Variants in DIP2A observed in about 807,000 individuals in gnomAD.
The protein encoded by DIP2A is disco-interacting protein 2 homolog A.
In DIP2A, 85 loss-of-function variants were observed where a neutral mutation model predicts 177.4. That is an observed-to-expected ratio of 0.48 (90% CI 0.40 to 0.57). The LOEUF is 0.57. DIP2A is among the 20% of genes least tolerant of loss of function. The pLI, the probability that DIP2A is intolerant of heterozygous loss-of-function variation, is 0.00. For missense variants in DIP2A, 1,791 were observed against 2,100.2 expected, an observed-to-expected ratio of 0.85 and a Z score of 2.88; for synonymous variants, 886 against 881.8, an observed-to-expected ratio of 1.00 and a Z score of -0.08.
intron 1 of DIP2A, among the ~76,000 whole-genome samples, chr21:46,480,675 A>G (rs369480627): frequency 2.6e-5 from 4 of 152,306 alleles, no homozygotes; most frequent in African/African-American, 7.2e-5. Flanking sequence ...GGAAAGGCCA[A>G]TACCTTTCCA....
At chr21:46,541,649 A>G in intron 17 of DIP2A, 107 bp from the exon 18 acceptor site, 1 of 1,315,478 alleles carries the variant, frequency 7.6e-7, no homozygotes, top group Non-Finnish European at 1.1e-6. Flanking sequence ...AGTCTGTAAC[A>G]TGGAGCAGTG....
At chr21:46,564,539 C>T (rs1195043101) in intron 35 of DIP2A, among the ~76,000 whole-genome samples, 2 of 150,150 alleles carry the variant, frequency 1.3e-5, no homozygotes, top group Non-Finnish European at 2.9e-5. Flanking sequence ...GGCAGCTTGA[C>T]GTGCAGTCCC....
chr21:46,475,074 TC>T (rs2055724169), intron 1 of DIP2A, among the ~76,000 whole-genome samples: 1 of 1,470 alleles, frequency 6.8e-4, no homozygotes, highest in African/African-American at 7.8e-3. Flanking sequence ...AACCAGAGAC[TC>T]TTCTCCACTT....
At position 46,557,193 on chromosome 21, in the gene DIP2A, T is replaced by G. The variant is rs2060498582; in HGVS notation, c.3629+124T>G. 2 of 1,149,084 alleles carry G rather than the reference T, an allele frequency of 1.7e-6. No homozygotes were observed. The highest frequency in any genetic ancestry group is 1.7e-5 in the South Asian group (1 of 59,072). 71.2% of individuals were successfully genotyped at this position (1,149,084 alleles called of 1,614,324 possible). A position where few individuals can be genotyped will look rare whatever the true frequency, so the allele number is the denominator to read the frequency against. The stretch of plus-strand genomic sequence containing the variant: ...CCGATGAGATGTGTGTGAGTGGGTT[T>G]GTTTGGGGATGAAGTGGGTTGGAGT... On this transcript the variant is annotated intron_variant, in intron 30 of 37. Transcript: ENST00000417564. The surrounding 1 kb of genome is among the most constrained non-coding windows in gnomAD (Gnocchi z 6.0).
At chr21:46,474,027 C>T (rs1277982417) in intron 1 of DIP2A, among the ~76,000 whole-genome samples, 1 of 152,164 alleles carries the variant, frequency 6.6e-6, no homozygotes, top group Non-Finnish European at 1.5e-5. Flanking sequence ...GAAAAGTTAG[C>T]TTGAAAAACC....
In DIP2A at chr21:46,567,885, C is replaced by T. The variant is rs948030979; in HGVS notation, c.*263C>T. ...GAGACAAGGAAAGGAAAGGAAAGGCCTGGCATGGGCATTGTGAGGAATCAC... is the reference window on the plus strand; with the variant it reads ...GAGACAAGGAAAGGAAAGGAAAGGCTTGGCATGGGCATTGTGAGGAATCAC... On this transcript the variant is annotated 3_prime_UTR_variant, in exon 38 of 38. Transcript: ENST00000417564. 7.6e-6 allele frequency: 3 copies of T among 396,332 alleles called. No individual in the cohort carries two copies. Among genetic ancestry groups the T allele is most frequent in the African/African-American group, 6.1e-5 (3 of 48,880 alleles). 24.6% of individuals were successfully genotyped at this position (396,332 alleles called of 1,614,324 possible).
At chr21:46,471,615 G>T (rs1434939580) in intron 1 of DIP2A, among the ~76,000 whole-genome samples, 3 of 152,294 alleles carry the variant, frequency 2.0e-5, no homozygotes, top group African/African-American at 7.2e-5. Context: ...GCTTAGCAAA[G>T]AAAACTATTG....
chr21:46,532,091 GA>G, intron 9 of DIP2A, 35 bp from the exon 10 acceptor site: 1 of 1,570,088 alleles, frequency 6.4e-7, no homozygotes, highest in Non-Finnish European at 8.6e-7. Flanking sequence ...GTAAAAATTG[GA>G]AATTTGGAAT....
chr21:46,554,717 GGTCAGA>G lies in DIP2A; in HGVS notation c.3276+25_3276+30del, dbSNP rs1356919174. 2.6e-6 allele frequency: 4 copies of G among 1,555,864 alleles called. No individual in the cohort carries two copies. The South Asian group carries it at 4.7e-5, about 18-fold the overall frequency. On this transcript the variant is annotated intron_variant, in intron 27 of 37. Coordinates refer to ENST00000417564, the MANE Select transcript of DIP2A (RefSeq NM_015151.4). ...TGGAGGTGCGCCTACCTGGCCCGCGGGTCAGAGTCTGTGAGTGGGAGGCTGCAAGGC... is the reference window on the plus strand; with the variant it reads ...TGGAGGTGCGCCTACCTGGCCCGCGGGTCTGTGAGTGGGAGGCTGCAAGGC...
At chr21:46,565,945 C>A in intron 36 of DIP2A, 58 bp downstream of exon 36, 1 of 1,591,504 alleles carries the variant, frequency 6.3e-7, no homozygotes, top group South Asian at 1.1e-5. Flanking sequence ...CTGGGCTCCC[C>A]AAGAGCTTAG....
chr21:46,459,542 C>T (rs1156864472), intron 1 of DIP2A, among the ~76,000 whole-genome samples: 1 of 118,710 alleles, frequency 8.4e-6, no homozygotes, highest in Non-Finnish European at 1.9e-5. Context: ...ACCCCCGGGA[C>T]CTCCTGCCCC....
intron 33 of DIP2A, 193 bp from the exon 34 acceptor site, chr21:46,561,555 G>A: frequency 1.4e-6 from 1 of 720,558 alleles, no homozygotes; most frequent in Non-Finnish European, 2.4e-6. Flanking sequence ...GTGCATGCGG[G>A]TGGCGGCACT....
intron 9 of DIP2A, among the ~76,000 whole-genome samples, chr21:46,530,266 A>C (rs1008510616): frequency 1.3e-5 from 2 of 152,256 alleles, no homozygotes; most frequent in Non-Finnish European, 2.9e-5. Context: ...AGGAAACTGC[A>C]GGTTAACAAG....
At chr21:46,513,233 G>A (rs1009525262) in intron 8 of DIP2A, among the ~76,000 whole-genome samples, 30 of 151,962 alleles carry the variant, frequency 2.0e-4, no homozygotes, top group Non-Finnish European at 2.6e-4. Context: ...TCACATTTAG[G>A]TGTGATGATC....
chr21:46,492,804 G>A (rs972324376), intron 3 of DIP2A, among the ~76,000 whole-genome samples: 2 of 152,160 alleles, frequency 1.3e-5, no homozygotes, highest in Admixed American at 1.3e-4. Context: ...AGTCAGGTGT[G>A]ATGACACATG....
chr21:46,546,802 G>A (rs2060065497), intron 20 of DIP2A, 113 bp from the exon 21 acceptor site: 1 of 1,242,344 alleles, frequency 8.0e-7, no homozygotes, highest in Non-Finnish European at 1.1e-6. Flanking sequence ...CCGTTTGCAA[G>A]GCGCTAGAGG....
At chr21:46,541,613 C>T (rs1244518228) in intron 17 of DIP2A, 143 bp from the exon 18 acceptor site, 4 of 914,844 alleles carry the variant, frequency 4.4e-6, no homozygotes, top group Non-Finnish European at 6.7e-6. Context: ...GACATTGCAG[C>T]ATCTTTAGAA....
At chr21:46,467,232 G>A (rs2148281985) in intron 1 of DIP2A, among the ~76,000 whole-genome samples, 1 of 147,070 alleles carries the variant, frequency 6.8e-6, no homozygotes, top group Admixed American at 7.0e-5. Flanking sequence ...GGAGGCGGAG[G>A]TTGCAGTGAG....
Position 46,565,825 on chromosome 21 carries a change from T to G in DIP2A, c.4277T>G (p.Ile1426Ser). The G allele has an allele frequency of 1.2e-6, 2 of 1,613,956 alleles. No homozygotes were observed. The highest frequency in any genetic ancestry group is 1.7e-6 in the Non-Finnish European group (2 of 1,179,890). ...ARLSFGDTQT[I>S]WARTGYLGFL... ...CTGAGTTTTGGAGACACACAGACCA[T>G]CTGGGCAAGGACCGGCTACCTTGGC... Residue 1426 changes from isoleucine to serine, a missense_variant, in exon 36 of 38, where the codon ATC becomes AGC. Ile to Ser is a moderately radical substitution (Grantham distance 142). Transcript: ENST00000417564.
Sources: gnomAD v4.1 joint callset for allele counts (sites outside exome capture counted in the v4.1 genomes callset) on GRCh38, gnomAD v4.1.1 for gene constraint, Gnocchi (gnomAD v3.1) non-coding constraint, MANE v1.5 for transcripts, NCBI Gene and HGNC (gene_info 2026-07-23, HGNC 2026-07-21) for gene names.